LRMDA: variants seen among roughly 807,000 people sequenced by gnomAD.
LRMDA encodes leucine-rich melanocyte differentiation-associated protein.
A neutral mutation model predicts 29.8 loss-of-function variants in LRMDA; 18 were observed. The ratio of observed to expected loss-of-function variants is 0.60; its 90% CI spans 0.42 to 0.90. The LOEUF is 0.90. Among genes scored for constraint, LRMDA ranks in the 40% least tolerant of loss-of-function variants. The pLI is 0.00. For missense variants in LRMDA, 273 were observed against 273.9 expected (o/e 1.00, Z 0.02); for synonymous variants, 125 against 109.4 (o/e 1.14, Z -0.89).
chr10:75,455,806 CTG>C (rs1004716254), intron 2 of LRMDA, among the ~76,000 whole-genome samples: 13 of 152,306 alleles, frequency 8.5e-5, no homozygotes, highest in East Asian at 3.9e-4. Context: ...CATGAAGAAA[CTG>C]AGACCTGAGC....
chr10:75,905,020 C>G (rs536277714), intron 2 of LRMDA, among the ~76,000 whole-genome samples: 2 of 152,140 alleles, frequency 1.3e-5, no homozygotes, highest in Admixed American at 1.3e-4. Context: ...AAAGTGCACA[C>G]TCTATCTGCA....
chr10:76,069,429 TGTCAGTGA>T (rs1378350977), intron 5 of LRMDA, among the ~76,000 whole-genome samples: 2 of 152,240 alleles, frequency 1.3e-5, no homozygotes, highest in African/African-American at 4.8e-5. Flanking sequence ...TCAACGCCAT[TGTCAGTGA>T]TAGCAATTAC....
rs1174594785 is a variant in LRMDA, at chr10:76,559,311, A to G, written c.*2023A>G. 2.0e-5 allele frequency: 3 copies of G among 152,150 alleles called. No homozygotes were observed. The highest frequency in any genetic ancestry group is 1.3e-4 in the Admixed American group (2 of 15,288). The allele number at this position is 152,150 out of a possible 1,614,324, so 9.4% of individuals were successfully genotyped here. Reference sequence around the variant, plus strand: ...ATCATGCGCAGGAATGTCTCCCTCAATGTGAGCTTTGGAGGCAAAACATAT... The same window carrying G: ...ATCATGCGCAGGAATGTCTCCCTCAGTGTGAGCTTTGGAGGCAAAACATAT... On this transcript the variant is annotated 3_prime_UTR_variant, in exon 7 of 7. Transcript: ENST00000611255.
chr10:75,872,774 A>G (rs972066857), intron 2 of LRMDA, among the ~76,000 whole-genome samples: 2 of 152,142 alleles, frequency 1.3e-5, no homozygotes, highest in African/African-American at 2.4e-5. Context: ...CATCTTTTTC[A>G]TAAAGCTTTT....
intron 2 of LRMDA, among the ~76,000 whole-genome samples, chr10:75,609,068 A>G (rs1840995490): frequency 6.6e-6 from 1 of 152,198 alleles, no homozygotes; most frequent in African/African-American, 2.4e-5. Context: ...GAGCTTGCAC[A>G]GCACCTAACT....
At chr10:75,899,712 C>T (rs1320820473) in intron 2 of LRMDA, among the ~76,000 whole-genome samples, 1 of 152,208 alleles carries the variant, frequency 6.6e-6, no homozygotes, top group Non-Finnish European at 1.5e-5. Flanking sequence ...AGCATCCATT[C>T]ATGGCTTTGG....
At chr10:76,404,932 G>A (rs1841887354) in intron 6 of LRMDA, among the ~76,000 whole-genome samples, 1 of 152,172 alleles carries the variant, frequency 6.6e-6, no homozygotes. Flanking sequence ...GTAAGTTGAA[G>A]ATGAAGGAAG....
At chr10:76,273,129 T>A (rs982614672) in intron 5 of LRMDA, among the ~76,000 whole-genome samples, 3 of 152,134 alleles carry the variant, frequency 2.0e-5, no homozygotes, top group African/African-American at 7.2e-5. Flanking sequence ...AGGAATTCTA[T>A]GACAGTGCTA....
intron 2 of LRMDA, among the ~76,000 whole-genome samples, chr10:75,737,299 G>A (rs928019654): frequency 5.3e-5 from 8 of 152,228 alleles, no homozygotes; most frequent in African/African-American, 1.7e-4. Context: ...TAAGGAATGC[G>A]TCAGATGTGC....
At chr10:75,597,607 A>G (rs1325659282) in intron 2 of LRMDA, among the ~76,000 whole-genome samples, 1 of 152,194 alleles carries the variant, frequency 6.6e-6, no homozygotes. Context: ...ATATCAGTCT[A>G]AAATGAAACT....
chr10:76,360,465 T>G (rs954670910), intron 6 of LRMDA, among the ~76,000 whole-genome samples: 9 of 152,116 alleles, frequency 5.9e-5, no homozygotes, highest in African/African-American at 2.2e-4. Flanking sequence ...TTGGACAGAT[T>G]AATTGTGGCT....
At chr10:75,951,446 C>T (rs1846572660) in intron 2 of LRMDA, among the ~76,000 whole-genome samples, 1 of 152,134 alleles carries the variant, frequency 6.6e-6, no homozygotes, top group African/African-American at 2.4e-5. Context: ...CAAGCAGCTC[C>T]TCAGAGGAGG....
Position 75,923,943 on chromosome 10 carries a change from G to A in LRMDA, c.132-112065G>A, listed in dbSNP as rs189124031. ...TAGAAAAGGTAATTCCTATTCAAAC[G>A]GGATAGTCCCTTATTCATTTCCTCG... On this transcript the variant is annotated intron_variant, in intron 2 of 6. Coordinates refer to ENST00000611255, the MANE Select transcript of LRMDA (RefSeq NM_001305581.2). 2.0e-4 allele frequency among the ~76,000 whole-genome samples: 30 copies of A among 152,246 alleles called. No homozygotes were observed. The East Asian group carries it at 3.5e-3, about 18-fold the overall frequency.
intron 2 of LRMDA, among the ~76,000 whole-genome samples, chr10:75,640,596 A>G (rs535175225): frequency 6.6e-6 from 1 of 152,260 alleles, no homozygotes; most frequent in African/African-American, 2.4e-5. Flanking sequence ...AGTGATGTGC[A>G]GGGGGGAAAA....
chr10:76,056,052 T>C (rs1848609823), intron 4 of LRMDA, among the ~76,000 whole-genome samples: 1 of 152,126 alleles, frequency 6.6e-6, no homozygotes, highest in South Asian at 2.1e-4. Flanking sequence ...ATGCACACAA[T>C]TGGAGGGTGA....
In LRMDA at chr10:75,696,343, G is replaced by A. The variant is rs142078974; in HGVS notation, c.131+257849G>A. 9.4e-3 allele frequency among the ~76,000 whole-genome samples: 1,429 copies of A among 152,330 alleles called. 30 individuals are homozygous for A. The highest frequency in any genetic ancestry group is 0.029 in the South Asian group (140 of 4,828). ...AACATCTTGGGCATTGCTGGACACT[G>A]AGCCAAAGGGAAAGAAAGCTCTGAA... On this transcript the variant is annotated intron_variant, in intron 2 of 6. Transcript: ENST00000611255.
At chr10:75,438,580 G>C in intron 2 of LRMDA, 86 bp downstream of exon 2, 1 of 991,570 alleles carries the variant, frequency 1.0e-6, no homozygotes, top group Admixed American at 2.1e-5. Flanking sequence ...AAAGTCAAAT[G>C]TTCCAACTCC....
chr10:75,525,628 G>T (rs1444527123), intron 2 of LRMDA, among the ~76,000 whole-genome samples: 1 of 134,976 alleles, frequency 7.4e-6, no homozygotes. Context: ...AGGGCAAATA[G>T]GCTCTTTACA....
intron 6 of LRMDA, among the ~76,000 whole-genome samples, chr10:76,459,414 C>G (rs568700413): frequency 6.6e-6 from 1 of 152,296 alleles, no homozygotes; most frequent in South Asian, 2.1e-4. Flanking sequence ...TGGAGTTCAA[C>G]ACCTCATGGA....
Sources: allele counts gnomAD v4.1 joint callset (sites outside exome capture counted in the v4.1 genomes callset), GRCh38; gene constraint gnomAD v4.1.1; transcripts MANE v1.5; gene names NCBI Gene and HGNC (gene_info 2026-07-23, HGNC 2026-07-21).